The following PLCXD3 variants were observed in gnomAD, a reference collection of about 807,000 sequenced individuals.
PLCXD3 encodes the protein PI-PLC X domain-containing protein 3.
In PLCXD3, 19 loss-of-function variants were observed where a neutral mutation model predicts 25.5. That is an observed-to-expected ratio of 0.75 (90% CI 0.52 to 1.09). The LOEUF is 1.09. Among genes scored for constraint, PLCXD3 ranks in the 50% least tolerant of loss-of-function variants. The pLI, the probability that PLCXD3 is intolerant of heterozygous loss-of-function variation, is 0.00. For missense variants in PLCXD3, 411 were observed against 388.1 expected (o/e 1.06, Z -0.50); for synonymous variants, 174 against 137.6 (o/e 1.26, Z -1.85).
At chr5:41,380,759 G>A (rs543079519) in intron 2 of PLCXD3, among the ~76,000 whole-genome samples, 2 of 152,242 alleles carry the variant, frequency 1.3e-5, no homozygotes, top group Non-Finnish European at 2.9e-5. Context: ...GTCAGTGAAA[G>A]ATAAAAATAA....
chr5:41,311,255 T>C lies in PLCXD3; in HGVS notation c.*2362A>G, dbSNP rs1743130882. 6.6e-6 allele frequency: 1 copy of C among 152,120 alleles called. No homozygotes were observed. The highest frequency in any genetic ancestry group is 1.9e-4 in the East Asian group (1 of 5,190). The allele number at this position is 152,120 out of a possible 1,614,324, so 9.4% of individuals were successfully genotyped here. A position where few individuals can be genotyped will look rare whatever the true frequency, so the allele number is the denominator to read the frequency against. On this transcript the variant is annotated 3_prime_UTR_variant, in exon 3 of 3. Transcript: ENST00000377801. ...ATCCTAATCATTTTAAAAGGATTCATATACATTTTCACATAAAGAGCAGGT... is the reference window on the plus strand; with the variant it reads ...ATCCTAATCATTTTAAAAGGATTCACATACATTTTCACATAAAGAGCAGGT...
chr5:41,490,415 G>T (rs1457525691), intron 1 of PLCXD3, among the ~76,000 whole-genome samples: 2 of 152,172 alleles, frequency 1.3e-5, no homozygotes, highest in East Asian at 1.9e-4. Flanking sequence ...TTGTGTCTCT[G>T]CCAGGCTTTG....
chr5:41,330,632 A>G (rs77304522), intron 2 of PLCXD3, among the ~76,000 whole-genome samples: 12,851 of 152,114 alleles, frequency 0.084, 829 homozygotes, highest in East Asian at 0.35. Context: ...GCTGGGCCGA[A>G]ACACAACCAA....
rs1580334382 is a variant in PLCXD3 at position 41,375,903 on chromosome 5, A to AT, written c.812+5922dup. On this transcript the variant is annotated intron_variant, in intron 2 of 2. Transcript: ENST00000377801. ...AATTAAGGAATGACTTTAATATGGG[A>AT]TTTTAAAGTAAGGTATTAGACATCT... is the stretch of plus-strand genomic sequence containing the variant. 2.6e-5 allele frequency among the ~76,000 whole-genome samples: 4 copies of AT among 152,160 alleles called. No individual in the cohort carries two copies. The East Asian group carries it at 5.8e-4, about 22-fold the overall frequency.
chr5:41,470,633 A>T (rs1748132114), intron 1 of PLCXD3, among the ~76,000 whole-genome samples: 1 of 152,230 alleles, frequency 6.6e-6, no homozygotes, highest in Non-Finnish European at 1.5e-5. Flanking sequence ...ACTAAACAGT[A>T]AAAATGTCTG....
At chr5:41,442,373 T>C (rs144879256) in intron 1 of PLCXD3, among the ~76,000 whole-genome samples, 596 of 152,344 alleles carry the variant, frequency 3.9e-3, no homozygotes, top group African/African-American at 0.014. Flanking sequence ...GAAATGTTAA[T>C]GTATCCCAAC....
intron 1 of PLCXD3, among the ~76,000 whole-genome samples, chr5:41,418,910 G>C (rs1580363377): frequency 6.6e-6 from 1 of 152,308 alleles, no homozygotes; most frequent in Admixed American, 6.5e-5. Context: ...ATCACAAAAG[G>C]CACCTTGTAA....
At chr5:41,498,243 C>A (rs1748881426) in intron 1 of PLCXD3, among the ~76,000 whole-genome samples, 1 of 151,146 alleles carries the variant, frequency 6.6e-6, no homozygotes, top group Admixed American at 6.6e-5. Flanking sequence ...AAATCAACAA[C>A]CCTAGGAATT....
At chr5:41,449,014 C>T (rs1747568465) in intron 1 of PLCXD3, among the ~76,000 whole-genome samples, 1 of 152,160 alleles carries the variant, frequency 6.6e-6, no homozygotes, top group African/African-American at 2.4e-5. Context: ...ACTATGGTTC[C>T]TTGCCCATGA....
chr5:41,354,741 C>T (rs760556295), intron 2 of PLCXD3, among the ~76,000 whole-genome samples: 2 of 152,168 alleles, frequency 1.3e-5, no homozygotes, highest in Non-Finnish European at 2.9e-5. Flanking sequence ...CACTCAAACT[C>T]ATTTTTTTAA....
chr5:41,403,216 A>T (rs1180742366), intron 1 of PLCXD3, among the ~76,000 whole-genome samples: 1 of 151,702 alleles, frequency 6.6e-6, no homozygotes, highest in African/African-American at 2.4e-5. Context: ...CATTTCTATA[A>T]GAATTTTCAA....
intron 1 of PLCXD3, among the ~76,000 whole-genome samples, chr5:41,503,893 G>T (rs1478115419): frequency 6.6e-6 from 1 of 152,036 alleles, no homozygotes; most frequent in Non-Finnish European, 1.5e-5. Context: ...TGGGCAAGAG[G>T]CATCCTCACT....
At position 41,458,295 on chromosome 5, in the gene PLCXD3, C is replaced by T. The variant is rs904472965; in HGVS notation, c.103+52129G>A. ...GAATATAGAAGGAATAAAAAACATA[C>T]TGAACAGCCCAAGAATCTCTAGTAA... On this transcript the variant is annotated intron_variant, in intron 1 of 2. Coordinates refer to ENST00000377801, the MANE Select transcript of PLCXD3 (RefSeq NM_001005473.3). Among the ~76,000 whole-genome samples, 5 of 151,902 alleles carry T rather than the reference C, an allele frequency of 3.3e-5. No homozygotes were observed. The South Asian group carries it at 1.0e-3, about 31-fold the overall frequency.
At chr5:41,431,524 G>T (rs890753822) in intron 1 of PLCXD3, among the ~76,000 whole-genome samples, 2 of 151,984 alleles carry the variant, frequency 1.3e-5, no homozygotes, top group African/African-American at 4.8e-5. Context: ...TCACGGACAG[G>T]TTCTAGAAAT....
At chr5:41,390,678 C>G (rs983808480) in intron 1 of PLCXD3, among the ~76,000 whole-genome samples, 2 of 152,070 alleles carry the variant, frequency 1.3e-5, no homozygotes, top group Non-Finnish European at 2.9e-5. Flanking sequence ...CACCAATCGT[C>G]CTCCGTGCAA....
chr5:41,356,483 T>C (rs143350748), intron 2 of PLCXD3, among the ~76,000 whole-genome samples: 8 of 152,308 alleles, frequency 5.3e-5, no homozygotes, highest in African/African-American at 1.9e-4. Context: ...AATTGTCAGA[T>C]GCTGTTATTA....
At chr5:41,390,402 G>A (rs1251573878) in intron 1 of PLCXD3, among the ~76,000 whole-genome samples, 1 of 151,952 alleles carries the variant, frequency 6.6e-6, no homozygotes, top group Non-Finnish European at 1.5e-5. Flanking sequence ...AGGGTAAATG[G>A]TATTTGTTTT....
In PLCXD3 at chr5:41,313,715, T is replaced by C; in HGVS notation, c.868A>G (p.Ile290Val). 1 of 1,613,758 alleles carries C rather than the reference T, an allele frequency of 6.2e-7. No homozygotes were observed. Among genetic ancestry groups the C allele is most frequent in the Non-Finnish European group, 8.5e-7 (1 of 1,179,764 alleles). The change falls in exon 3 of 3, where the codon ATC becomes GTC. Residue 290 changes from isoleucine to valine, a missense_variant. By Grantham distance (29) the Ile-to-Val change is conservative. Transcript: ENST00000377801. ...VRTQKPGESG[I>V]NIVTADFVEL... ...ACAAAATCGGCAGTGACAATATTGA[T>C]GCCACTCTCTCCTGGCTTCTGCGTG... is the stretch of plus-strand genomic sequence containing the variant.
chr5:41,406,468 A>G (rs1746353817), intron 1 of PLCXD3, among the ~76,000 whole-genome samples: 1 of 152,002 alleles, frequency 6.6e-6, no homozygotes, highest in Non-Finnish European at 1.5e-5. Flanking sequence ...TTGTTTGTCC[A>G]CTGTTACATT....
Sources: gnomAD v4.1 joint callset for allele counts (sites outside exome capture counted in the v4.1 genomes callset) on GRCh38, gnomAD v4.1.1 for gene constraint, MANE v1.5 for transcripts, NCBI Gene and HGNC (gene_info 2026-07-23, HGNC 2026-07-21) for gene names.